The following NAV2 variants were observed in gnomAD, a reference collection of about 807,000 sequenced individuals.
The protein encoded by NAV2 is helicase, APC down-regulated 1.
A neutral mutation model predicts 223.2 loss-of-function variants in NAV2; 54 were observed. The observed-to-expected ratio is 0.24, with a 90% CI of 0.19 to 0.30. The LOEUF is 0.30. Among genes scored for constraint, NAV2 ranks in the 10% least tolerant of loss-of-function variants. NAV2 has a pLI of 1.00. For synonymous variants in NAV2, 1,279 were observed against 1,239.3 expected, an observed-to-expected ratio of 1.03 and a Z score of -0.67; for missense variants, 2,806 against 3,147.5, an observed-to-expected ratio of 0.89 and a Z score of 2.60.
At chr11:19,589,607 G>A (rs1236676721) in intron 1 of NAV2, among the ~76,000 whole-genome samples, 2 of 152,210 alleles carry the variant, frequency 1.3e-5, no homozygotes, top group African/African-American at 4.8e-5. Flanking sequence ...ATGTGTAGGT[G>A]AGCCTGGATA....
At chr11:19,374,440 A>G (rs1225725065) in intron 1 of NAV2, among the ~76,000 whole-genome samples, 2 of 150,880 alleles carry the variant, frequency 1.3e-5, no homozygotes, top group African/African-American at 4.9e-5. Flanking sequence ...AGTTGACTGG[A>G]TGGTCACATG....
intron 1 of NAV2, among the ~76,000 whole-genome samples, chr11:19,515,396 T>G (rs2043414112): frequency 6.6e-6 from 1 of 152,234 alleles, no homozygotes; most frequent in Non-Finnish European, 1.5e-5. Flanking sequence ...ATCAACCATG[T>G]ATTTTCTCTA....
intron 6 of NAV2, among the ~76,000 whole-genome samples, chr11:19,929,103 C>T (rs1245022367): frequency 2.0e-5 from 3 of 152,060 alleles, no homozygotes; most frequent in South Asian, 2.1e-4. Flanking sequence ...AAAAAACACA[C>T]ACACATACAC....
chr11:19,554,308 G>C (rs1057111084), intron 1 of NAV2, among the ~76,000 whole-genome samples: 1 of 152,228 alleles, frequency 6.6e-6, no homozygotes, highest in Non-Finnish European at 1.5e-5. Flanking sequence ...CTAGCCAATA[G>C]CAGAGCCAGG....
chr11:19,848,734 A>C (rs550491001), intron 3 of NAV2, among the ~76,000 whole-genome samples: 1 of 152,256 alleles, frequency 6.6e-6, no homozygotes, highest in South Asian at 2.1e-4. Flanking sequence ...ATGATTTTTC[A>C]AGGGACTTAA....
intron 1 of NAV2, among the ~76,000 whole-genome samples, chr11:19,732,141 C>G (rs1373536224): frequency 6.6e-6 from 1 of 152,056 alleles, no homozygotes; most frequent in Non-Finnish European, 1.5e-5. Flanking sequence ...TAGTCAGTCT[C>G]CCTGCTACTC....
chr11:20,062,701 C>CT (rs2058782004), intron 20 of NAV2, among the ~76,000 whole-genome samples: 2 of 152,156 alleles, frequency 1.3e-5, no homozygotes, highest in South Asian at 4.2e-4. Flanking sequence ...TTCTTTCTTT[C>CT]TTTTTTTATT....
At chr11:19,761,743 A>G (rs1310473638) in intron 1 of NAV2, among the ~76,000 whole-genome samples, 1 of 152,216 alleles carries the variant, frequency 6.6e-6, no homozygotes, top group African/African-American at 2.4e-5. Context: ...ACCAGAAATT[A>G]CTGATTAGAG....
At chr11:19,715,884 C>A (rs1235156138) in intron 1 of NAV2, among the ~76,000 whole-genome samples, 1 of 152,184 alleles carries the variant, frequency 6.6e-6, no homozygotes, top group Non-Finnish European at 1.5e-5. Context: ...TTCCAGTGGA[C>A]TACCCTGATT....
intron 11 of NAV2, among the ~76,000 whole-genome samples, chr11:20,023,595 T>G (rs1030138642): frequency 1.3e-5 from 2 of 152,038 alleles, no homozygotes; most frequent in Non-Finnish European, 2.9e-5. Flanking sequence ...AAGGGCTGCT[T>G]GTGGTTCAGA....
At chr11:19,492,911 C>T (rs1034242965) in intron 1 of NAV2, among the ~76,000 whole-genome samples, 4 of 152,118 alleles carry the variant, frequency 2.6e-5, no homozygotes, top group Non-Finnish European at 4.4e-5. Context: ...CTTAGAGTTC[C>T]GGAGGTGAAG....
At chr11:19,347,728 T>A (rs1178811292), upstream of NAV2, among the ~76,000 whole-genome samples, 1 of 152,210 alleles carries the variant, frequency 6.6e-6, no homozygotes, top group African/African-American at 2.4e-5. Context: ...TTGCTGCATT[T>A]AGGGATCAAT....
intron 1 of NAV2, among the ~76,000 whole-genome samples, chr11:19,755,688 C>T (rs964463162): frequency 1.3e-5 from 2 of 152,218 alleles, no homozygotes. Flanking sequence ...TTCTTCTCTT[C>T]GTGTCTCCTG....
chr11:19,955,441 G>A (rs1031946765), intron 10 of NAV2, among the ~76,000 whole-genome samples: 1 of 152,108 alleles, frequency 6.6e-6, no homozygotes, highest in African/African-American at 2.4e-5. Flanking sequence ...AAATGGCAAG[G>A]CCAACCATAT....
intron 1 of NAV2, among the ~76,000 whole-genome samples, chr11:19,796,365 A>G (rs2057896773): frequency 6.6e-6 from 1 of 152,184 alleles, no homozygotes; most frequent in African/African-American, 2.4e-5. Flanking sequence ...CACCTTATTG[A>G]CAGAACCCAA....
chr11:19,827,151 G>A (rs974812096), intron 1 of NAV2, among the ~76,000 whole-genome samples: 2 of 152,134 alleles, frequency 1.3e-5, no homozygotes, highest in Non-Finnish European at 2.9e-5. Flanking sequence ...GGAAGTGTGG[G>A]GTGTGTCCAG....
chr11:20,026,868 A>C (rs2055134845), intron 11 of NAV2, among the ~76,000 whole-genome samples: 1 of 152,212 alleles, frequency 6.6e-6, no homozygotes, highest in African/African-American at 2.4e-5. Context: ...TATTTATCTA[A>C]CAGTAACTGG....
At chr11:19,422,160 G>C (rs767508167) in intron 1 of NAV2, among the ~76,000 whole-genome samples, 1 of 152,192 alleles carries the variant, frequency 6.6e-6, no homozygotes, top group Non-Finnish European at 1.5e-5. Context: ...CCTAGCCCAT[G>C]CTCTTTCTCT....
At chr11:19,763,333 A>G (rs2054924254) in intron 1 of NAV2, among the ~76,000 whole-genome samples, 1 of 152,246 alleles carries the variant, frequency 6.6e-6, no homozygotes, top group African/African-American at 2.4e-5. Flanking sequence ...GCATGCAAGA[A>G]TTCTGGCAGA....
Sources: allele counts gnomAD v4.1 joint callset (sites outside exome capture counted in the v4.1 genomes callset), GRCh38; gene constraint gnomAD v4.1.1; transcripts MANE v1.5; gene names NCBI Gene and HGNC (gene_info 2026-07-23, HGNC 2026-07-21).